Variants in PHRF1 observed in about 807,000 individuals in gnomAD.
PHRF1 encodes the protein PHD and RING finger domain-containing protein 1.
In PHRF1, 53 loss-of-function variants were observed where a neutral mutation model predicts 128.9. The observed-to-expected ratio is 0.41, with a 90% CI of 0.33 to 0.52. The LOEUF (loss-of-function observed/expected upper bound fraction) is 0.52. Among genes scored for constraint, PHRF1 ranks in the 20% least tolerant of loss-of-function variants. The probability of loss-of-function intolerance (pLI) is 0.21; values close to 1 mark genes in which losing one functional copy is unlikely to be tolerated. For synonymous variants in PHRF1, 1,178 were observed against 980.6 expected (o/e 1.20, Z -3.76); for missense variants, 2,503 against 2,284.5 (o/e 1.10, Z -1.95).
intron 3 of PHRF1, among the ~76,000 whole-genome samples, chr11:583,768 G>A (rs1430727988): frequency 1.3e-5 from 2 of 152,208 alleles, no homozygotes; most frequent in African/African-American, 4.8e-5. Flanking sequence ...CGTGGGGTGC[G>A]CTGGTGGTAC....
chr11:594,422 T>A lies in PHRF1; in HGVS notation c.620+1748T>A, dbSNP rs188474772. ...TTCCTGTTAGCTTTTATTTTACTCATTTACTTATTTTTTTCAAGGCAGAGT... is the reference window on the plus strand; with the variant it reads ...TTCCTGTTAGCTTTTATTTTACTCAATTACTTATTTTTTTCAAGGCAGAGT... On this transcript the variant is annotated intron_variant, in intron 6 of 17. Coordinates refer to ENST00000264555, the MANE Select transcript of PHRF1 (RefSeq NM_001286581.2). Among the ~76,000 whole-genome samples the A allele has an allele frequency of 3.3e-5, 5 of 152,346 alleles. No individual in the cohort carries two copies. The East Asian group carries it at 9.6e-4, about 29-fold the overall frequency.
chr11:607,203 C>T lies in PHRF1; in HGVS notation c.1747C>T (p.Leu583Phe). The change falls in exon 14 of 18, where the codon CTC (leucine) becomes TTC (phenylalanine). Residue 583 changes from leucine to phenylalanine, a missense_variant. Physicochemically the swap from Leu to Phe is conservative, Grantham distance 22. Coordinates refer to ENST00000264555, the MANE Select transcript of PHRF1 (RefSeq NM_001286581.2). ...PSGNRPQSTG[L>F]SCQGRSRTPA... ...AGGAAACAGGCCACAGAGCACAGGG[C>T]TCAGCTGTCAAGGCAGGTCCCGCAC... 2 of 1,612,538 alleles carry T rather than the reference C, an allele frequency of 1.2e-6. No individual in the cohort carries two copies. The highest frequency in any genetic ancestry group is 1.7e-6 in the Non-Finnish European group (2 of 1,179,772).
chr11:605,181 C>T lies in PHRF1; in HGVS notation c.1215C>T (p.Ser405=). 2 of 1,613,574 alleles carry T rather than the reference C, an allele frequency of 1.2e-6. No homozygotes were observed. Among genetic ancestry groups the T allele is most frequent in the Non-Finnish European group, 1.7e-6 (2 of 1,179,860 alleles). ...TGGGCCTGCGCAGGCCTGTTCACAGCAGCTGCATCCCGTCAGTGTTGAAGC... is the reference window on the plus strand; with the variant it reads ...TGGGCCTGCGCAGGCCTGTTCACAGTAGCTGCATCCCGTCAGTGTTGAAGC... ...RTLGLRRPVH[S]SCIPSVLKPV... The change falls in exon 11 of 18, where the codon AGC becomes AGT. Residue 405 remains serine (S), a synonymous_variant. Transcript: ENST00000264555.
intron 6 of PHRF1, among the ~76,000 whole-genome samples, chr11:596,384 G>A (rs1855279284): frequency 6.6e-6 from 1 of 152,206 alleles, no homozygotes; most frequent in African/African-American, 2.4e-5. Context: ...GTGGCTTGGT[G>A]TGAGGTGCAA....
rs750954296 is a variant in PHRF1, at chr11:597,066, T to C, written c.718+46T>C. 41 of 1,577,132 alleles carry C rather than the reference T, an allele frequency of 2.6e-5. No homozygotes were observed. Among genetic ancestry groups the C allele is most frequent in the Middle Eastern group, 1.7e-4 (1 of 6,038 alleles). On this transcript the variant is annotated intron_variant, in intron 7 of 17. Coordinates refer to ENST00000264555, the MANE Select transcript of PHRF1 (RefSeq NM_001286581.2). The surrounding 1 kb of genome is among the most constrained non-coding windows in gnomAD (Gnocchi z 6.5). The stretch of plus-strand genomic sequence containing the variant: ...CCAAGGCGCACATGGGCCTTCTCAC[T>C]GTCCACTCTGCGGTCCCCGGGGTTA...
chr11:608,023 C>T lies in PHRF1; in HGVS notation c.2567C>T (p.Pro856Leu), dbSNP rs754149834. 1 of 1,611,250 alleles carries T rather than the reference C, an allele frequency of 6.2e-7. No individual in the cohort carries two copies. The highest frequency in any genetic ancestry group is 8.5e-7 in the Non-Finnish European group (1 of 1,179,860). ...SPERSGPGLL[P>L]SEITRTISIN... ...GAGAGGTCTGGCCCCGGCCTCCTGCCCTCTGAGATCACACGAACCATCTCC... is the reference window on the plus strand; with the variant it reads ...GAGAGGTCTGGCCCCGGCCTCCTGCTCTCTGAGATCACACGAACCATCTCC... Residue 856 changes from proline to leucine, a missense_variant, in exon 14 of 18, where the codon CCC (proline) becomes CTC (leucine). Transcript: ENST00000264555.
intron 9 of PHRF1, 93 bp from the exon 10 acceptor site, chr11:601,481 C>T (rs1855622307): frequency 6.5e-7 from 1 of 1,547,142 alleles, no homozygotes; most frequent in Non-Finnish European, 8.7e-7. Context: ...GCTGTACCGG[C>T]TCCTTGGGCT....
chr11:581,747 T>C (rs1854216508), intron 2 of PHRF1, 141 bp downstream of exon 2: 6 of 1,014,070 alleles, frequency 5.9e-6, no homozygotes, highest in Middle Eastern at 3.0e-4. Context: ...GCGGAAGTAG[T>C]GTATTGTTTT....
At chr11:605,512 G>A in intron 11 of PHRF1, 93 bp from the exon 12 acceptor site, 1 of 1,549,010 alleles carries the variant, frequency 6.5e-7, no homozygotes, top group Non-Finnish European at 8.7e-7. Flanking sequence ...CATGGCCAGT[G>A]CTCGGCCATC....
In PHRF1 at chr11:610,352, G is replaced by T; in HGVS notation, c.4416+5G>T. 1 of 1,558,510 alleles carries T rather than the reference G, an allele frequency of 6.4e-7. No homozygotes were observed. On this transcript the variant is annotated splice_donor_5th_base_variant and intron_variant, in intron 15 of 17. Coordinates refer to ENST00000264555, the MANE Select transcript of PHRF1 (RefSeq NM_001286581.2). ...CCAGACACAGACCCCTCTCAGGTGG[G>T]TGTCTGGGCTGGAGGGCTGTGGGCC...
At chr11:584,591 A>G (rs35865896) in intron 3 of PHRF1, among the ~76,000 whole-genome samples, 45,742 of 151,908 alleles carry the variant, frequency 0.3, 7,702 homozygotes, top group African/African-American at 0.44. Context: ...GCAGGCCAGG[A>G]CGGGGGAGCT....
Position 587,313 on chromosome 11 carries a change from A to G in PHRF1, c.269A>G (p.Gln90Arg). The change falls in exon 4 of 18, where the codon CAG becomes CGG. Residue 90 changes from glutamine to arginine, a missense_variant. Gln to Arg is a conservative substitution (Grantham distance 43). Transcript: ENST00000264555. Reference sequence around the variant, plus strand: ...ACATTGCTGGAGGTAGCGGGTACTCAGGGGAAACTGGAAGCCGCTGGCTCT... The same window carrying G: ...ACATTGCTGGAGGTAGCGGGTACTCGGGGGAAACTGGAAGCCGCTGGCTCT... Reference protein sequence around the residue: ...GETLLEVAGTQGKLEAAGSFN... With the variant: ...GETLLEVAGTRGKLEAAGSFN... The G allele has an allele frequency of 6.2e-7, 1 of 1,613,674 alleles. No individual in the cohort carries two copies. Among genetic ancestry groups the G allele is most frequent in the East Asian group, 2.2e-5 (1 of 44,890 alleles).
At chr11:577,369 C>T (rs1335583369) in intron 1 of PHRF1, among the ~76,000 whole-genome samples, 1 of 152,248 alleles carries the variant, frequency 6.6e-6, no homozygotes, top group Admixed American at 6.5e-5. Context: ...AACAGCAGAA[C>T]AGCAGTCAGC....
At chr11:588,493 C>T (rs979854189) in intron 4 of PHRF1, among the ~76,000 whole-genome samples, 2 of 152,046 alleles carry the variant, frequency 1.3e-5, no homozygotes. Context: ...GATTCTCCTG[C>T]CTCAGCCTCC....
intron 13 of PHRF1, chr11:606,798 T>C (rs899777235): frequency 1.1e-5 from 10 of 907,268 alleles, no homozygotes; most frequent in South Asian, 1.8e-5. Flanking sequence ...CACAGCTTCA[T>C]GTTCATAAGA....
chr11:607,413 G>T lies in PHRF1; in HGVS notation c.1957G>T (p.Asp653Tyr). ...TGCCGCGTCTAAGATCTCAAGCAGA[G>T]ATTCTAAGCCCCCATGTCGCAGTGT... The part of the protein sequence containing the change: ...ASAASKISSR[D>Y]SKPPCRSVVP... Residue 653 changes from aspartate (D) to tyrosine (Y), a missense_variant, in exon 14 of 18, where the codon GAT becomes TAT. By Grantham distance (160) the Asp-to-Tyr change is radical (BLOSUM62 -3). Transcript: ENST00000264555. The T allele has an allele frequency of 6.2e-7, 1 of 1,612,842 alleles. No individual in the cohort carries two copies. Among genetic ancestry groups the T allele is most frequent in the Non-Finnish European group, 8.5e-7 (1 of 1,179,880 alleles).
At chr11:594,330 A>G (rs886539757) in intron 6 of PHRF1, among the ~76,000 whole-genome samples, 15 of 152,248 alleles carry the variant, frequency 9.9e-5, no homozygotes, top group Admixed American at 8.5e-4. Context: ...ATCGCAGGCC[A>G]GGGCCGTGAG....
At chr11:587,031 C>A (rs906484438) in intron 3 of PHRF1, among the ~76,000 whole-genome samples, 1 of 152,196 alleles carries the variant, frequency 6.6e-6, no homozygotes, top group Non-Finnish European at 1.5e-5. Flanking sequence ...CTCAGCTTCC[C>A]GCCCCTCGGT....
In PHRF1 at chr11:587,282, G is replaced by T. The variant is rs200618070; in HGVS notation, c.238G>T (p.Gly80Trp). The change falls in exon 4 of 18, where the codon GGG (glycine) becomes TGG (tryptophan). Residue 80 changes from glycine to tryptophan, a missense_variant. Transcript: ENST00000264555. ...RSGSEDSEDD[G>W]ETLLEVAGTQ... ...AGGTTCCGAGGATTCTGAAGACGAC[G>T]GGGAGACATTGCTGGAGGTAGCGGG... 7 of 1,613,546 alleles carry T rather than the reference G, an allele frequency of 4.3e-6. No individual in the cohort carries two copies. The highest frequency in any genetic ancestry group is 1.1e-5 in the South Asian group (1 of 91,076).
Sources: allele counts gnomAD v4.1 joint callset (sites outside exome capture counted in the v4.1 genomes callset), GRCh38; gene constraint gnomAD v4.1.1; non-coding constraint Gnocchi (gnomAD v3.1); transcripts MANE v1.5; gene names NCBI Gene and HGNC (gene_info 2026-07-23, HGNC 2026-07-21).